CNTNAP2: variants seen among roughly 807,000 people sequenced by gnomAD.
The protein encoded by CNTNAP2 is contactin associated protein 2.
A neutral mutation model predicts 155.2 loss-of-function variants in CNTNAP2; 98 were observed. The observed-to-expected ratio is 0.63, with a 90% CI of 0.54 to 0.75. CNTNAP2 has a LOEUF of 0.75. Ranked by LOEUF, CNTNAP2 falls within the 30% of genes least tolerant of loss-of-function variation. The probability of loss-of-function intolerance (pLI) is 0.00; values close to 1 mark genes in which losing one functional copy is unlikely to be tolerated. For synonymous variants in CNTNAP2, 651 were observed against 631.2 expected, an observed-to-expected ratio of 1.03 and a Z score of -0.47; for missense variants, 1,727 against 1,688.1, an observed-to-expected ratio of 1.02 and a Z score of -0.40.
chr7:147,937,520 T>C (rs768589257), intron 14 of CNTNAP2, among the ~76,000 whole-genome samples: 3 of 152,120 alleles, frequency 2.0e-5, no homozygotes. Flanking sequence ...CCTCAGACTA[T>C]ACATTCTGGT....
At chr7:148,397,567 C>T (rs1331660040) in intron 22 of CNTNAP2, among the ~76,000 whole-genome samples, 2 of 152,158 alleles carry the variant, frequency 1.3e-5, no homozygotes, top group Non-Finnish European at 2.9e-5. Context: ...TTGGTGAAAT[C>T]CCTGCTACTA....
At chr7:146,646,338 G>A (rs975891865) in intron 1 of CNTNAP2, among the ~76,000 whole-genome samples, 13 of 152,180 alleles carry the variant, frequency 8.5e-5, no homozygotes, top group East Asian at 1.9e-4. Flanking sequence ...GTGTGTGCAC[G>A]TGCACATGTG....
chr7:146,394,909 A>G (rs113689306), intron 1 of CNTNAP2, among the ~76,000 whole-genome samples: 4,642 of 152,132 alleles, frequency 0.031, 221 homozygotes, highest in African/African-American at 0.11. Context: ...ACCTGTTTGC[A>G]TCTCCAGTGT....
intron 11 of CNTNAP2, among the ~76,000 whole-genome samples, chr7:147,501,586 A>G (rs1034667213): frequency 2.0e-5 from 3 of 152,198 alleles, no homozygotes; most frequent in African/African-American, 7.2e-5. Flanking sequence ...TGAACTAGCA[A>G]TATGTGGTTC....
At chr7:147,238,239 T>A (rs1057055765) in intron 8 of CNTNAP2, among the ~76,000 whole-genome samples, 3 of 152,096 alleles carry the variant, frequency 2.0e-5, no homozygotes, top group Non-Finnish European at 4.4e-5. Context: ...ATGGTCTCCA[T>A]CTCCTGACCT....
intron 9 of CNTNAP2, among the ~76,000 whole-genome samples, chr7:147,372,159 G>T (rs757579438): frequency 6.6e-6 from 1 of 152,028 alleles, no homozygotes; most frequent in African/African-American, 2.4e-5. Flanking sequence ...AACAGTTCTC[G>T]TTTAAATTCA....
rs148652804 is a variant in CNTNAP2 at position 147,509,225 on chromosome 7, C to G, written c.1777+23184C>G. Among the ~76,000 whole-genome samples the G allele has an allele frequency of 2.4e-4, 37 of 152,216 alleles. No homozygotes were observed. The East Asian group carries it at 6.9e-3, about 29-fold the overall frequency. ...TATCATCCCAAATCTGATTTAGGGCCCCCACTCTCTGTTCTCCCACAGCAT... is the reference window on the plus strand; with the variant it reads ...TATCATCCCAAATCTGATTTAGGGCGCCCACTCTCTGTTCTCCCACAGCAT... On this transcript the variant is annotated intron_variant, in intron 11 of 23. Coordinates refer to ENST00000361727, the MANE Select transcript of CNTNAP2 (RefSeq NM_014141.6).
intron 13 of CNTNAP2, among the ~76,000 whole-genome samples, chr7:147,841,251 T>C (rs901820589): frequency 6.6e-6 from 1 of 152,172 alleles, no homozygotes; most frequent in Non-Finnish European, 1.5e-5. Context: ...AAAAGTTGTA[T>C]GTGTGGATAT....
Position 147,945,706 on chromosome 7 carries a change from T to A in CNTNAP2, c.2256-32156T>A, listed in dbSNP as rs1043902416. Among the ~76,000 whole-genome samples, 6 of 147,278 alleles carry A rather than the reference T, an allele frequency of 4.1e-5. No individual in the cohort carries two copies. The South Asian group carries it at 6.4e-4, about 16-fold the overall frequency. On this transcript the variant is annotated intron_variant, in intron 14 of 23. Coordinates refer to ENST00000361727, the MANE Select transcript of CNTNAP2 (RefSeq NM_014141.6). ...AAAAGCCTTTATATATATATATATA[T>A]AACTAATCACAAACATGCTCAGACT...
At chr7:148,369,589 C>G (rs1438635254) in intron 21 of CNTNAP2, among the ~76,000 whole-genome samples, 2 of 151,578 alleles carry the variant, frequency 1.3e-5, no homozygotes, top group Non-Finnish European at 2.9e-5. Context: ...GGCCCAGTAG[C>G]AAATCTGCTA....
At chr7:146,389,429 T>C (rs1261123426) in intron 1 of CNTNAP2, among the ~76,000 whole-genome samples, 1 of 152,108 alleles carries the variant, frequency 6.6e-6, no homozygotes, top group Non-Finnish European at 1.5e-5. Context: ...GAATTACTTT[T>C]TCCTACTATC....
intron 18 of CNTNAP2, among the ~76,000 whole-genome samples, chr7:148,215,733 A>G (rs1304345633): frequency 1.3e-5 from 2 of 152,086 alleles, no homozygotes; most frequent in East Asian, 3.9e-4. Flanking sequence ...ACCACCTATG[A>G]GGTCCCATTT....
At chr7:148,062,820 G>T (rs1465913805) in intron 15 of CNTNAP2, among the ~76,000 whole-genome samples, 3 of 152,074 alleles carry the variant, frequency 2.0e-5, no homozygotes. Flanking sequence ...AGAGCTTAAT[G>T]AAATAAAACT....
At chr7:148,216,827 G>A (rs1795647061) in intron 18 of CNTNAP2, among the ~76,000 whole-genome samples, 1 of 152,180 alleles carries the variant, frequency 6.6e-6, no homozygotes, top group Non-Finnish European at 1.5e-5. Flanking sequence ...TTAATCACAG[G>A]AGGAGGTCTT....
intron 21 of CNTNAP2, among the ~76,000 whole-genome samples, chr7:148,346,444 T>C (rs1477671030): frequency 6.6e-6 from 1 of 152,208 alleles, no homozygotes; most frequent in Non-Finnish European, 1.5e-5. Flanking sequence ...TTCTATTAAG[T>C]TGGTGCAGTA....
chr7:148,049,259 G>A lies in CNTNAP2; in HGVS notation c.2384-68859G>A, dbSNP rs77193266. Among the ~76,000 whole-genome samples, 315 of 152,222 alleles carry A rather than the reference G, an allele frequency of 2.1e-3. 1 individual carries two copies. Among genetic ancestry groups the A allele is most frequent in the African/African-American group, 7.4e-3 (309 of 41,564 alleles). Reference sequence around the variant, plus strand: ...GTGGCTAAGTCAGTAGTGAAACTACGAAGCTAACTTATTACATTTTTCACC... The same window carrying A: ...GTGGCTAAGTCAGTAGTGAAACTACAAAGCTAACTTATTACATTTTTCACC... On this transcript the variant is annotated intron_variant, in intron 15 of 23. Transcript: ENST00000361727.
intron 3 of CNTNAP2, among the ~76,000 whole-genome samples, chr7:147,034,803 A>C (rs1799116527): frequency 6.7e-6 from 1 of 150,162 alleles, no homozygotes; most frequent in Admixed American, 6.7e-5. Flanking sequence ...GTGCTTTTCC[A>C]CTCCTCTGCT....
intron 21 of CNTNAP2, among the ~76,000 whole-genome samples, chr7:148,370,698 A>G (rs1798872164): frequency 6.6e-6 from 1 of 151,048 alleles, no homozygotes; most frequent in Admixed American, 6.6e-5. Flanking sequence ...GACATCCAGG[A>G]TTGAACTCAA....
At chr7:148,317,231 A>G (rs2116529071) in intron 21 of CNTNAP2, among the ~76,000 whole-genome samples, 2 of 152,288 alleles carry the variant, frequency 1.3e-5, no homozygotes, top group South Asian at 4.1e-4. Flanking sequence ...GGCACATGCC[A>G]GTAATCCCAG....
Sources: allele counts gnomAD v4.1 joint callset (sites outside exome capture counted in the v4.1 genomes callset), GRCh38; gene constraint gnomAD v4.1.1; transcripts MANE v1.5; gene names NCBI Gene and HGNC (gene_info 2026-07-23, HGNC 2026-07-21).